CTNND2: variants seen among roughly 807,000 people sequenced by gnomAD.
CTNND2 encodes catenin delta 2, also known as catenin delta-2.
In CTNND2, 22 loss-of-function variants were observed where a neutral mutation model predicts 144.4. The ratio of observed to expected loss-of-function variants is 0.15; its 90% confidence interval spans 0.11 to 0.22. CTNND2 has a LOEUF of 0.22. Ranked by LOEUF, CTNND2 falls within the 10% of genes least tolerant of loss-of-function variation. The probability of loss-of-function intolerance (pLI) is 1.00; values close to 1 mark genes in which losing one functional copy is unlikely to be tolerated. For missense variants in CTNND2, 1,353 were observed against 1,618.8 expected (o/e 0.84, Z 2.82); for synonymous variants, 751 against 695.6 (o/e 1.08, Z -1.25).
rs558463199 is a variant in CTNND2, at chr5:11,732,316, C to A, written c.38-44G>T. 102 of 1,584,248 alleles carry A rather than the reference C, an allele frequency of 6.4e-5. No individual in the cohort carries two copies. The South Asian group carries it at 1.0e-3, about 16-fold the overall frequency. ...TGATCAATACAATCAGATGTTGACA[C>A]TAAACAGGTACAACTATCAGACCAC... On this transcript the variant is annotated intron_variant, in intron 1 of 21. Transcript: ENST00000304623.
chr5:11,075,098 A>C (rs1385163150), intron 16 of CTNND2, among the ~76,000 whole-genome samples: 1 of 152,212 alleles, frequency 6.6e-6, no homozygotes, highest in Non-Finnish European at 1.5e-5. Context: ...GATTTTGTTC[A>C]CGTGGGAAAA....
chr5:11,626,152 G>C (rs1329625459), intron 2 of CTNND2, among the ~76,000 whole-genome samples: 2 of 152,136 alleles, frequency 1.3e-5, no homozygotes, highest in Admixed American at 1.3e-4. Flanking sequence ...TTTGGTCACA[G>C]AGATTTCCAT....
chr5:11,857,478 G>A (rs903779744), intron 1 of CTNND2, among the ~76,000 whole-genome samples: 14 of 152,172 alleles, frequency 9.2e-5, no homozygotes, highest in African/African-American at 3.4e-4. Context: ...GACAGGGTGC[G>A]AGCAAGAGGA....
intron 1 of CTNND2, among the ~76,000 whole-genome samples, chr5:11,848,350 TAC>T (rs1374997468): frequency 6.6e-6 from 1 of 152,178 alleles, no homozygotes; most frequent in Non-Finnish European, 1.5e-5. Flanking sequence ...TTGCAGAAAC[TAC>T]ACACTTATAA....
At chr5:11,468,142 G>T (rs1007239482) in intron 3 of CTNND2, among the ~76,000 whole-genome samples, 5 of 152,230 alleles carry the variant, frequency 3.3e-5, no homozygotes, top group Non-Finnish European at 7.4e-5. Flanking sequence ...ACAAATAACA[G>T]AAAAACTGTA....
intron 2 of CTNND2, among the ~76,000 whole-genome samples, chr5:11,632,188 T>C (rs1402362137): frequency 1.3e-5 from 2 of 152,100 alleles, no homozygotes; most frequent in South Asian, 4.2e-4. Flanking sequence ...CCTCCTGTAG[T>C]TGGAACAATT....
intron 3 of CTNND2, among the ~76,000 whole-genome samples, chr5:11,563,462 A>G (rs1776833034): frequency 6.6e-6 from 1 of 152,224 alleles, no homozygotes; most frequent in South Asian, 2.1e-4. Context: ...CTCTCCCTAA[A>G]TTCACCACCT....
At chr5:11,051,456 G>T (rs1196857162) in intron 16 of CTNND2, among the ~76,000 whole-genome samples, 1 of 152,222 alleles carries the variant, frequency 6.6e-6, no homozygotes, top group Non-Finnish European at 1.5e-5. Flanking sequence ...TAGCTGCATT[G>T]TAAGCCACTG....
intron 2 of CTNND2, among the ~76,000 whole-genome samples, chr5:11,565,590 C>A (rs1777024394): frequency 1.3e-5 from 2 of 152,292 alleles, no homozygotes; most frequent in African/African-American, 4.8e-5. Flanking sequence ...ACTTTGCATT[C>A]CAGCAGAATG....
chr5:11,250,080 T>C (rs2149929246), intron 9 of CTNND2, among the ~76,000 whole-genome samples: 1 of 152,316 alleles, frequency 6.6e-6, no homozygotes, highest in East Asian at 1.9e-4. Context: ...ATAAAACTTT[T>C]AACTTACCTC....
intron 2 of CTNND2, among the ~76,000 whole-genome samples, chr5:11,623,800 GTGTGTATGTATATATA>G (rs1208706709): frequency 0.047 from 4,009 of 85,514 alleles, 248 homozygotes; most frequent in Middle Eastern, 0.065. Context: ...ATATATATAT[GTGTGTATGTATATATA>G]TATATATATA....
chr5:11,738,217 C>A (rs1027320899), intron 1 of CTNND2, among the ~76,000 whole-genome samples: 2 of 152,118 alleles, frequency 1.3e-5, no homozygotes, highest in African/African-American at 4.8e-5. Flanking sequence ...GGGATGTACC[C>A]CATTGTATGA....
chr5:11,327,038 C>T (rs57621925), intron 9 of CTNND2, among the ~76,000 whole-genome samples: 10,229 of 152,204 alleles, frequency 0.067, 482 homozygotes, highest in African/African-American at 0.13. Context: ...AGGCACCATC[C>T]GATTCCTTGA....
chr5:11,283,566 C>T (rs910332782), intron 9 of CTNND2, among the ~76,000 whole-genome samples: 3 of 148,334 alleles, frequency 2.0e-5, no homozygotes, highest in Non-Finnish European at 3.0e-5. Context: ...CCCAGCTACA[C>T]GGGAGGCTGA....
chr5:11,735,212 G>A (rs1257769175), intron 1 of CTNND2, among the ~76,000 whole-genome samples: 2 of 152,218 alleles, frequency 1.3e-5, no homozygotes, highest in African/African-American at 4.8e-5. Flanking sequence ...TTATGGTGGT[G>A]TGTTAGGAAG....
intron 3 of CTNND2, among the ~76,000 whole-genome samples, chr5:11,418,311 C>G (rs1342209906): frequency 2.6e-5 from 4 of 152,084 alleles, no homozygotes; most frequent in Non-Finnish European, 4.4e-5. Flanking sequence ...GAGGCTGAGG[C>G]AGGAGAATTG....
chr5:11,132,607 T>C (rs1439542717), intron 12 of CTNND2, among the ~76,000 whole-genome samples: 1 of 152,170 alleles, frequency 6.6e-6, no homozygotes, highest in Non-Finnish European at 1.5e-5. Flanking sequence ...ATGTGAGAAA[T>C]ACATTTCTGC....
intron 2 of CTNND2, among the ~76,000 whole-genome samples, chr5:11,614,476 A>T (rs1295568880): frequency 6.6e-6 from 1 of 152,208 alleles, no homozygotes; most frequent in Non-Finnish European, 1.5e-5. Flanking sequence ...CAATTAGACA[A>T]CCATTTTGGA....
intron 16 of CTNND2, among the ~76,000 whole-genome samples, chr5:11,080,506 C>T (rs946556633): frequency 2.6e-5 from 4 of 152,316 alleles, no homozygotes; most frequent in South Asian, 2.1e-4. Context: ...CAGTATGTCA[C>T]AGAACCATTT....
Sources: allele counts gnomAD v4.1 joint callset (sites outside exome capture counted in the v4.1 genomes callset), GRCh38; gene constraint gnomAD v4.1.1; transcripts MANE v1.5; gene names NCBI Gene and HGNC (gene_info 2026-07-23, HGNC 2026-07-21).